WWOX: variants seen among roughly 807,000 people sequenced by gnomAD.
The protein encoded by WWOX is WW domain-containing oxidoreductase.
Under a neutral mutation model 46.2 loss-of-function variants are expected in WWOX, and 69 were observed. The ratio of observed to expected loss-of-function variants is 1.49; its 90% CI spans 1.23 to 1.82. The LOEUF is 1.82. WWOX is among the 40% of genes most tolerant of loss of function. The pLI is 0.00. For missense variants in WWOX, 919 were observed against 542.6 expected (o/e 1.69, Z -6.89); for synonymous variants, 359 against 202.6 (o/e 1.77, Z -6.56).
intron 8 of WWOX, among the ~76,000 whole-genome samples, chr16:79,170,471 G>C (rs11862241): frequency 2.5e-4 from 38 of 152,060 alleles, no homozygotes; most frequent in Non-Finnish European, 2.6e-4. Context: ...GTTATCTTTG[G>C]ATTAAAAATG....
At chr16:78,508,308 G>A in intron 8 of WWOX, among the ~76,000 whole-genome samples, 1 of 96,574 alleles carries the variant, frequency 1.0e-5, no homozygotes, top group Admixed American at 1.2e-4. Context: ...ACTGCGCCCG[G>A]CCTTTTTTTT....
At chr16:78,599,141 G>C (rs1347521529) in intron 8 of WWOX, among the ~76,000 whole-genome samples, 1 of 152,184 alleles carries the variant, frequency 6.6e-6, no homozygotes, top group Non-Finnish European at 1.5e-5. Flanking sequence ...AGGGGTTGCT[G>C]ATGGAGACTT....
chr16:78,131,277 A>G lies in WWOX; in HGVS notation c.409+16123A>G, dbSNP rs545831185. 6.5e-4 allele frequency among the ~76,000 whole-genome samples: 99 copies of G among 152,264 alleles called. 1 individual carries two copies. Among genetic ancestry groups the G allele is most frequent in the Non-Finnish European group, 9.7e-4 (66 of 68,030 alleles). On this transcript the variant is annotated intron_variant, in intron 4 of 8. Coordinates refer to ENST00000566780, the MANE Select transcript of WWOX (RefSeq NM_016373.4). ...ACCCAGGCTTCAGTGCATCAGCGTG[A>G]TCATAGCTCACTGTAGCCTCTCCCT...
chr16:78,847,111 A>G (rs2052320001), intron 8 of WWOX, among the ~76,000 whole-genome samples: 1 of 151,940 alleles, frequency 6.6e-6, no homozygotes, highest in Non-Finnish European at 1.5e-5. Flanking sequence ...GTCATCTTGG[A>G]CTTCCCTGCC....
chr16:78,736,260 G>A (rs2049089276), intron 8 of WWOX, among the ~76,000 whole-genome samples: 1 of 152,184 alleles, frequency 6.6e-6, no homozygotes, highest in Non-Finnish European at 1.5e-5. Flanking sequence ...CCGGGCTGTG[G>A]TACCTTCGTG....
At chr16:79,106,529 C>T (rs2049310664) in intron 8 of WWOX, 1 of 149,788 alleles carries the variant, frequency 6.7e-6, no homozygotes, top group African/African-American at 2.5e-5. Flanking sequence ...GGAAAGTATA[C>T]CTATCAGATT....
chr16:78,691,392 A>C, intron 8 of WWOX: 1 of 664,700 alleles, frequency 1.5e-6, no homozygotes, highest in African/African-American at 1.8e-5. Context: ...AAGTTGGCCT[A>C]CAGGGTGCTT....
intron 5 of WWOX, among the ~76,000 whole-genome samples, chr16:78,316,462 G>T (rs1597474120): frequency 2.6e-5 from 4 of 151,962 alleles, no homozygotes; most frequent in Admixed American, 2.6e-4. Context: ...CCTGCCTCAG[G>T]CTCCTGAGTA....
chr16:78,314,798 C>T (rs189717777), intron 5 of WWOX, among the ~76,000 whole-genome samples: 32 of 150,842 alleles, frequency 2.1e-4, no homozygotes, highest in African/African-American at 7.1e-4. Flanking sequence ...GCAAGCCACC[C>T]GCCTTGGCCT....
chr16:78,099,847 G>A lies in WWOX; in HGVS notation c.69G>A (p.Glu23=). 6.3e-7 allele frequency: 1 copy of A among 1,581,980 alleles called. No homozygotes were observed. ...DSEDELPPGW[E]ERTTKDGWVY... The stretch of plus-strand genomic sequence containing the variant: ...AGGACGAGCTGCCTCCGGGCTGGGA[G>A]GAGAGAACCACCAAGGACGGCTGGG... Residue 23 remains glutamate (E), a synonymous_variant, in exon 1 of 9, where the codon GAG becomes GAA. Coordinates refer to ENST00000566780, the MANE Select transcript of WWOX (RefSeq NM_016373.4).
At chr16:78,680,783 G>T (rs1341412571) in intron 8 of WWOX, among the ~76,000 whole-genome samples, 6 of 152,162 alleles carry the variant, frequency 3.9e-5, no homozygotes, top group African/African-American at 9.7e-5. Context: ...ACTTAGCCCA[G>T]TGTTGGGCAC....
chr16:78,639,566 TG>T (rs2046654017), intron 8 of WWOX, among the ~76,000 whole-genome samples: 1 of 108,414 alleles, frequency 9.2e-6, no homozygotes, highest in Non-Finnish European at 1.8e-5. Context: ...GGGCACAGAT[TG>T]GATTTTTTTT....
chr16:78,740,769 C>T (rs79971034), intron 8 of WWOX, among the ~76,000 whole-genome samples: 1 of 152,096 alleles, frequency 6.6e-6, no homozygotes. Context: ...TGGTGGATAT[C>T]TTGGTTGCAG....
At chr16:78,977,979 C>CTATG (rs386385184) in intron 8 of WWOX, among the ~76,000 whole-genome samples, 1 of 151,972 alleles carries the variant, frequency 6.6e-6, no homozygotes, top group African/African-American at 2.4e-5. Flanking sequence ...AATACCGCAT[C>CTATG]TATTTCCAAA....
At chr16:79,126,854 A>C (rs1329137665) in intron 8 of WWOX, among the ~76,000 whole-genome samples, 1 of 152,114 alleles carries the variant, frequency 6.6e-6, no homozygotes, top group Non-Finnish European at 1.5e-5. Flanking sequence ...GGAACAGGAA[A>C]TTGTGCTCAA....
At chr16:78,966,337 G>A (rs570419917) in intron 8 of WWOX, among the ~76,000 whole-genome samples, 92 of 152,216 alleles carry the variant, frequency 6.0e-4, no homozygotes, top group Admixed American at 4.8e-3. Context: ...GCTTCTTTCC[G>A]TTTACTGTAC....
intron 8 of WWOX, chr16:79,004,237 A>C (rs2047149416): frequency 6.6e-6 from 1 of 152,198 alleles, no homozygotes; most frequent in Admixed American, 6.5e-5. Context: ...TAGCAATAGA[A>C]GGCGCTGCAC....
chr16:79,166,244 C>T (rs569557544), intron 8 of WWOX, among the ~76,000 whole-genome samples: 1 of 152,306 alleles, frequency 6.6e-6, no homozygotes, highest in Admixed American at 6.5e-5. Flanking sequence ...TGCCTCCCCA[C>T]CTCATTCCCC....
In WWOX at chr16:78,988,677, G is replaced by T. The variant is rs542978177; in HGVS notation, c.1057-222931G>T. Among the ~76,000 whole-genome samples, 8 of 152,334 alleles carry T rather than the reference G, an allele frequency of 5.3e-5. No homozygotes were observed. The South Asian group carries it at 1.7e-3, about 32-fold the overall frequency. ...ATTGGTCAACTTTTTCAGGCACGAA[G>T]ACCAGTACAGAAGGATGGAAAGTGC... is the stretch of plus-strand genomic sequence containing the variant. On this transcript the variant is annotated intron_variant, in intron 8 of 8. Coordinates refer to ENST00000566780, the MANE Select transcript of WWOX (RefSeq NM_016373.4).
Sources: gnomAD v4.1 joint callset for allele counts (sites outside exome capture counted in the v4.1 genomes callset) on GRCh38, gnomAD v4.1.1 for gene constraint, MANE v1.5 for transcripts, NCBI Gene and HGNC (gene_info 2026-07-23, HGNC 2026-07-21) for gene names.